Variants in MCC observed in about 807,000 individuals in gnomAD.
The protein encoded by MCC is colorectal mutant cancer protein.
Under a neutral mutation model 116.2 loss-of-function variants are expected in MCC, and 90 were observed. The observed-to-expected ratio is 0.77, with a 90% confidence interval of 0.65 to 0.92. MCC has a LOEUF of 0.92. Ranked by LOEUF, MCC falls within the 40% of genes least tolerant of loss-of-function variation. The pLI is 0.00. For synonymous variants in MCC, 578 were observed against 510.5 expected, an observed-to-expected ratio of 1.13 and a Z score of -1.78; for missense variants, 1,516 against 1,312.2, an observed-to-expected ratio of 1.16 and a Z score of -2.40.
intron 1 of MCC, among the ~76,000 whole-genome samples, chr5:113,468,495 C>T (rs1306231261): frequency 3.9e-5 from 6 of 152,216 alleles, no homozygotes; most frequent in East Asian, 3.9e-4. Context: ...TATTGATTTG[C>T]GTATGTTGAA....
At chr5:113,254,155 G>T (rs1486601546) in intron 3 of MCC, among the ~76,000 whole-genome samples, 3 of 152,176 alleles carry the variant, frequency 2.0e-5, no homozygotes, top group African/African-American at 7.2e-5. Flanking sequence ...TTGATTGGTA[G>T]AGAGAAATTC....
intron 1 of MCC, among the ~76,000 whole-genome samples, chr5:113,402,305 A>C (rs1435556931): frequency 1.4e-5 from 2 of 143,704 alleles, no homozygotes; most frequent in Admixed American, 6.9e-5. Flanking sequence ...AAAAAAAAAA[A>C]AAAAAACACA....
chr5:113,482,820 T>C (rs535700184), intron 1 of MCC, among the ~76,000 whole-genome samples: 118 of 152,312 alleles, frequency 7.7e-4, no homozygotes, highest in African/African-American at 2.7e-3. Flanking sequence ...TAAGAATCCA[T>C]TGCCAAATCG....
chr5:113,136,893 G>C (rs1156256177), intron 5 of MCC, among the ~76,000 whole-genome samples: 2 of 152,052 alleles, frequency 1.3e-5, no homozygotes, highest in Non-Finnish European at 2.9e-5. Context: ...CCTGTTTTAC[G>C]TTGGGTAACA....
At chr5:113,323,641 T>C (rs929091580) in intron 3 of MCC, among the ~76,000 whole-genome samples, 1 of 152,224 alleles carries the variant, frequency 6.6e-6, no homozygotes, top group African/African-American at 2.4e-5. Context: ...GTATGACTTC[T>C]TGTGAAAAGT....
intron 2 of MCC, among the ~76,000 whole-genome samples, chr5:113,344,004 T>A (rs1462881030): frequency 2.0e-5 from 3 of 152,182 alleles, no homozygotes; most frequent in Non-Finnish European, 4.4e-5. Flanking sequence ...TGGTTTTGAC[T>A]TCCTCTCACT....
At chr5:113,386,183 A>G (rs961801100) in intron 1 of MCC, among the ~76,000 whole-genome samples, 2 of 152,204 alleles carry the variant, frequency 1.3e-5, no homozygotes, top group Non-Finnish European at 2.9e-5. Flanking sequence ...AAGAGACATT[A>G]GAAATTTGTT....
At chr5:113,485,935 C>T (rs1397977847) in intron 1 of MCC, among the ~76,000 whole-genome samples, 1 of 152,120 alleles carries the variant, frequency 6.6e-6, no homozygotes, top group Non-Finnish European at 1.5e-5. Flanking sequence ...AATGCACAAC[C>T]CTCCAAACCA....
intron 1 of MCC, among the ~76,000 whole-genome samples, chr5:113,443,553 A>G (rs1487976167): frequency 6.6e-6 from 1 of 152,114 alleles, no homozygotes; most frequent in Non-Finnish European, 1.5e-5. Flanking sequence ...GTGGTGAGAG[A>G]GGGCATCCTT....
chr5:113,419,169 C>CTT (rs764720031), intron 1 of MCC, among the ~76,000 whole-genome samples: 14 of 140,884 alleles, frequency 9.9e-5, no homozygotes, highest in African/African-American at 2.9e-4. Flanking sequence ...TTTTTTCTTT[C>CTT]TTTTTTTTTT....
intron 3 of MCC, among the ~76,000 whole-genome samples, chr5:113,209,519 G>A (rs1332119015): frequency 6.6e-6 from 1 of 152,168 alleles, no homozygotes; most frequent in Non-Finnish European, 1.5e-5. Flanking sequence ...ATTTCCGGCA[G>A]GCTTTGGATA....
At chr5:113,486,029 G>A (rs564240444) in intron 1 of MCC, among the ~76,000 whole-genome samples, 1 of 152,164 alleles carries the variant, frequency 6.6e-6, no homozygotes, top group Admixed American at 6.5e-5. Context: ...ATCATTTAAT[G>A]CCCCTTACCT....
chr5:113,282,858 C>T (rs1413855964), intron 3 of MCC, among the ~76,000 whole-genome samples: 1 of 152,222 alleles, frequency 6.6e-6, no homozygotes, highest in Non-Finnish European at 1.5e-5. Flanking sequence ...ACAGACCAGC[C>T]TGTGACTTCC....
intron 1 of MCC, among the ~76,000 whole-genome samples, chr5:113,441,106 G>A (rs1043957534): frequency 7.2e-5 from 11 of 152,234 alleles, no homozygotes; most frequent in African/African-American, 2.2e-4. Context: ...AGGCTGAGGC[G>A]GGCAGATCAC....
chr5:113,257,648 TA>T (rs1765068842), intron 3 of MCC, among the ~76,000 whole-genome samples: 1 of 152,020 alleles, frequency 6.6e-6, no homozygotes, highest in Admixed American at 6.6e-5. Flanking sequence ...ATAAATAAGC[TA>T]CGGATAAGAG....
chr5:113,259,939 C>A (rs1187387306), intron 3 of MCC, among the ~76,000 whole-genome samples: 1 of 152,046 alleles, frequency 6.6e-6, no homozygotes, highest in Non-Finnish European at 1.5e-5. Flanking sequence ...TAAAAAAAGT[C>A]AAGTCAACCA....
chr5:113,098,769 G>A (rs3890775), intron 8 of MCC, among the ~76,000 whole-genome samples: 69,270 of 151,940 alleles, frequency 0.46, 17,355 homozygotes, highest in African/African-American at 0.69. Context: ...TGATCTGGTC[G>A]GTTAAAATTC....
intron 2 of MCC, among the ~76,000 whole-genome samples, chr5:113,364,928 G>C (rs1768648671): frequency 6.6e-6 from 1 of 152,298 alleles, no homozygotes; most frequent in South Asian, 2.1e-4. Flanking sequence ...AGGTCTCTGG[G>C]CATGGCCATG....
At chr5:113,354,430 T>C (rs1768358028) in intron 2 of MCC, among the ~76,000 whole-genome samples, 1 of 102,216 alleles carries the variant, frequency 9.8e-6, no homozygotes, top group African/African-American at 6.3e-5. Context: ...AGGGATTCTT[T>C]TCCTTTTTCT....
Sources: gnomAD v4.1 joint callset for allele counts (sites outside exome capture counted in the v4.1 genomes callset) on GRCh38, gnomAD v4.1.1 for gene constraint, MANE v1.5 for transcripts, NCBI Gene and HGNC (gene_info 2026-07-23, HGNC 2026-07-21) for gene names.